The following FRS2 variants were observed in gnomAD, a reference collection of about 807,000 sequenced individuals.
FRS2 encodes the protein FGFR signalling adaptor.
FRS2 carries 8 observed loss-of-function variants against 43.9 expected under a neutral mutation model. The observed-to-expected ratio is 0.18, with a 90% CI of 0.11 to 0.33. The LOEUF is 0.33. Among genes scored for constraint, FRS2 ranks in the 10% least tolerant of loss-of-function variants. The probability of loss-of-function intolerance (pLI) is 1.00; values close to 1 mark genes in which losing one functional copy is unlikely to be tolerated. For missense variants in FRS2, 534 were observed against 627.6 expected (o/e 0.85, Z 1.59); for synonymous variants, 219 against 220.3 (o/e 0.99, Z 0.05).
At position 69,562,177 on chromosome 12, in the gene FRS2, T is replaced by G; in HGVS notation, c.-121-3T>G. On this transcript the variant is annotated splice_polypyrimidine_tract_variant and splice_region_variant and intron_variant, in intron 3 of 8. Transcript: ENST00000549921. ...ATTCTCAATGTTTTTCTTCTGTTTT[T>G]AGGTTAAATCAGCAAACAAAGAAAA... 5.0e-6 allele frequency: 2 copies of G among 398,214 alleles called. No individual in the cohort carries two copies. Among genetic ancestry groups the G allele is most frequent in the Non-Finnish European group, 8.9e-6 (2 of 225,816 alleles). 24.7% of individuals were successfully genotyped at this position (398,214 alleles called of 1,614,324 possible).
At chr12:69,568,264 G>A (rs710780) in intron 4 of FRS2, among the ~76,000 whole-genome samples, 93,174 of 152,046 alleles carry the variant, frequency 0.61, 30,375 homozygotes, top group African/African-American at 0.84. Context: ...TTACCAATGC[G>A]CTATTCGAAA....
chr12:69,567,707 A>C (rs1387448545), intron 4 of FRS2, among the ~76,000 whole-genome samples: 1 of 152,198 alleles, frequency 6.6e-6, no homozygotes, highest in Admixed American at 6.5e-5. Flanking sequence ...GAGGAACTGC[A>C]CTTTGAGTTG....
intron 3 of FRS2, among the ~76,000 whole-genome samples, chr12:69,542,778 T>C (rs1639111303): frequency 1.3e-5 from 2 of 152,180 alleles, no homozygotes; most frequent in African/African-American, 4.8e-5. Flanking sequence ...ATGTTAGAAA[T>C]TAAAAGAGCT....
At chr12:69,545,768 AAAAAAAAAAAC>A (rs1878333934) in intron 3 of FRS2, among the ~76,000 whole-genome samples, 2 of 143,136 alleles carry the variant, frequency 1.4e-5, no homozygotes, top group Non-Finnish European at 3.2e-5. Flanking sequence ...AAAAAAAAAA[AAAAAAAAAAAC>A]AAAAACAAAA....
At chr12:69,567,649 A>G (rs886295493) in intron 4 of FRS2, among the ~76,000 whole-genome samples, 9 of 152,218 alleles carry the variant, frequency 5.9e-5, no homozygotes, top group African/African-American at 2.2e-4. Context: ...ACGGTCATAC[A>G]TAATAGTATA....
chr12:69,563,610 A>G (rs1419145747), intron 4 of FRS2, among the ~76,000 whole-genome samples: 4 of 152,168 alleles, frequency 2.6e-5, no homozygotes, highest in African/African-American at 9.7e-5. Flanking sequence ...GAGCACTGCT[A>G]GCAAAACAGC....
Position 69,492,888 on chromosome 12 carries a change from C to T in FRS2, c.-261+22358C>T, listed in dbSNP as rs542422558. Among the ~76,000 whole-genome samples the T allele has an allele frequency of 8.3e-4, 127 of 152,276 alleles. 1 individual carries two copies. The highest frequency in any genetic ancestry group is 1.3e-3 in the Non-Finnish European group (90 of 68,030). The stretch of plus-strand genomic sequence containing the variant: ...TTCAGATGTGTCTAAATTTCTCAGT[C>T]TGTTTATGAGCATCAACAAACACTT... On this transcript the variant is annotated intron_variant, in intron 1 of 8. Transcript: ENST00000549921.
chr12:69,495,740 A>G (rs921087369), intron 1 of FRS2, among the ~76,000 whole-genome samples: 1 of 152,144 alleles, frequency 6.6e-6, no homozygotes, highest in Admixed American at 6.5e-5. Context: ...AGCAACAACA[A>G]CCAAAACAAA....
At chr12:69,554,310 T>A (rs141962151) in intron 3 of FRS2, among the ~76,000 whole-genome samples, 1 of 152,200 alleles carries the variant, frequency 6.6e-6, no homozygotes, top group East Asian at 1.9e-4. Flanking sequence ...TAATCAGTGT[T>A]AACATTTTAG....
At chr12:69,535,811 C>T (rs1343941029) in intron 3 of FRS2, among the ~76,000 whole-genome samples, 1 of 152,052 alleles carries the variant, frequency 6.6e-6, no homozygotes, top group East Asian at 1.9e-4. Context: ...ATTAATGTCT[C>T]TCACCATGGC....
At chr12:69,530,309 A>G (rs1876665844) in intron 1 of FRS2, among the ~76,000 whole-genome samples, 1 of 149,506 alleles carries the variant, frequency 6.7e-6, no homozygotes, top group Non-Finnish European at 1.5e-5. Context: ...GGCACTCCGG[A>G]GTTGCAAGGT....
chr12:69,555,877 A>G (rs910147405), intron 3 of FRS2, among the ~76,000 whole-genome samples: 4 of 152,164 alleles, frequency 2.6e-5, no homozygotes, highest in Admixed American at 2.6e-4. Flanking sequence ...TTCTTTGAGA[A>G]TATATTTAAC....
chr12:69,557,619 T>TGTGTGCGCAC (rs1555192498), intron 3 of FRS2, among the ~76,000 whole-genome samples: 4 of 119,026 alleles, frequency 3.4e-5, no homozygotes, highest in East Asian at 2.5e-4. Flanking sequence ...TGTGTGTGTG[T>TGTGTGCGCAC]GCGCGCGCGC....
rs142439469 is a variant in FRS2 at position 69,531,625 on chromosome 12, A to G, written c.-164-389A>G. 2.6e-5 allele frequency among the ~76,000 whole-genome samples: 4 copies of G among 151,972 alleles called. No individual in the cohort carries two copies. In the East Asian group the frequency reaches 7.7e-4, roughly 29 times the overall value. On this transcript the variant is annotated intron_variant, in intron 2 of 8. Coordinates refer to ENST00000549921, the MANE Select transcript of FRS2 (RefSeq NM_001278356.2). ...AACTTTGTGAATATGTAAAAAAAAC[A>G]CTGTTCAAAGAAATGCTTTTTACCT...
intron 1 of FRS2, among the ~76,000 whole-genome samples, chr12:69,492,052 TATTA>T (rs577650660): frequency 1.1e-3 from 168 of 152,364 alleles, no homozygotes; most frequent in East Asian, 1.7e-3. Flanking sequence ...TCTCTATTTT[TATTA>T]ATTATGTGGT....
At chr12:69,501,644 A>G (rs1205021374) in intron 1 of FRS2, among the ~76,000 whole-genome samples, 1 of 152,192 alleles carries the variant, frequency 6.6e-6, no homozygotes, top group East Asian at 1.9e-4. Context: ...TCACTGTAGA[A>G]ATATGCTCCA....
At chr12:69,546,618 C>T (rs889993365) in intron 3 of FRS2, among the ~76,000 whole-genome samples, 1 of 151,924 alleles carries the variant, frequency 6.6e-6, no homozygotes, top group Non-Finnish European at 1.5e-5. Context: ...GTCTTGAACT[C>T]CTATCCTCAA....
intron 1 of FRS2, among the ~76,000 whole-genome samples, chr12:69,481,257 C>A (rs1257048659): frequency 3.3e-5 from 5 of 150,896 alleles, no homozygotes; most frequent in African/African-American, 9.8e-5. Flanking sequence ...ATCACAGTAC[C>A]ATCATGAAAG....
At chr12:69,569,172 A>G in intron 5 of FRS2, 76 bp downstream of exon 5, 7 of 816,740 alleles carry the variant, frequency 8.6e-6, no homozygotes, top group Admixed American at 4.5e-5. Flanking sequence ...AACATATCTT[A>G]TTTCTGGCTT....
Sources: allele counts gnomAD v4.1 joint callset (sites outside exome capture counted in the v4.1 genomes callset), GRCh38; gene constraint gnomAD v4.1.1; transcripts MANE v1.5; gene names NCBI Gene and HGNC (gene_info 2026-07-23, HGNC 2026-07-21).